Variants in LRCH1 observed in about 807,000 individuals in gnomAD.
LRCH1 encodes the protein leucine rich repeats and calponin homology domain containing 1, also known as leucine-rich repeat and calponin homology domain-containing protein 1.
LRCH1 carries 23 observed loss-of-function variants against 94.9 expected under a neutral mutation model. The observed-to-expected ratio is 0.24, with a 90% CI of 0.17 to 0.34. The LOEUF is 0.34. Ranked by LOEUF, LRCH1 falls within the 10% of genes least tolerant of loss-of-function variation. The pLI is 1.00. For missense variants in LRCH1, 790 were observed against 945.9 expected (o/e 0.84, Z 2.16); for synonymous variants, 364 against 354.9 (o/e 1.03, Z -0.29).
intron 2 of LRCH1, among the ~76,000 whole-genome samples, chr13:46,666,417 TC>T (rs901226674): frequency 2.0e-5 from 3 of 152,228 alleles, no homozygotes; most frequent in Admixed American, 6.5e-5. Context: ...GATACATGAC[TC>T]TCCCAGTTCC....
chr13:46,720,428 T>G (rs1866097554), intron 16 of LRCH1, among the ~76,000 whole-genome samples: 1 of 152,146 alleles, frequency 6.6e-6, no homozygotes, highest in Admixed American at 6.5e-5. Flanking sequence ...CTTCACCTCT[T>G]TCAACACACT....
intron 19 of LRCH1, among the ~76,000 whole-genome samples, chr13:46,737,685 G>A (rs977624411): frequency 6.6e-5 from 10 of 152,250 alleles, no homozygotes; most frequent in South Asian, 2.1e-4. Context: ...ACTCCAATTA[G>A]GCCTTGACCC....
intron 1 of LRCH1, among the ~76,000 whole-genome samples, chr13:46,588,199 T>G (rs573673408): frequency 6.6e-6 from 1 of 152,312 alleles, no homozygotes. Flanking sequence ...GCATACAGTT[T>G]CGCTCTCATC....
In LRCH1 at chr13:46,741,849, T is replaced by C. The variant is rs3742274; in HGVS notation, c.*1T>C. 0.98 allele frequency: 1,585,008 copies of C among 1,613,866 alleles called. 779,834 individuals carry two copies. Among genetic ancestry groups the C allele is most frequent in the Non-Finnish European group, 1 (1,177,861 of 1,180,046 alleles). On this transcript the variant is annotated 3_prime_UTR_variant, in exon 20 of 20. Transcript: ENST00000389797. ...CCACTGGAATGCTCTGTCCGCATAA[T>C]GTCTGCACGTGCATCCAAACGCTGT...
chr13:46,687,795 C>A, intron 5 of LRCH1, 57 bp from the exon 6 acceptor site: 2 of 1,481,460 alleles, frequency 1.4e-6, no homozygotes, highest in Non-Finnish European at 1.9e-6. Flanking sequence ...GGATTTGATA[C>A]TTACATTTTG....
rs369635173 is a variant in LRCH1, at chr13:46,681,831, A to C, written c.670A>C (p.Lys224Gln). Residue 224 changes from lysine to glutamine, a missense_variant, in exon 4 of 20, where the codon AAA (lysine) becomes CAA (glutamine). Transcript: ENST00000389797. ...ACTGAATGTCAGAAGAAATTACCTT[A>C]AAGTTTTACCACAAGGTAAAAAAGA... ...RELNVRRNYLKVLPQELVDLS... is the reference protein window; with the variant it reads ...RELNVRRNYLQVLPQELVDLS... The C allele has an allele frequency of 8.9e-5, 143 of 1,607,176 alleles. 1 individual carries two copies. The highest frequency in any genetic ancestry group is 1.2e-4 in the Non-Finnish European group (138 of 1,173,948).
rs1873805502 is a variant in LRCH1 at position 46,744,152 on chromosome 13, A to G, written c.*2304A>G. 2.0e-6 allele frequency: 2 copies of G among 985,244 alleles called. No homozygotes were observed. The highest frequency in any genetic ancestry group is 2.3e-4 in the East Asian group (2 of 8,820). 61.0% of individuals were successfully genotyped at this position (985,244 alleles called of 1,614,324 possible). A position where few individuals can be genotyped will look rare whatever the true frequency, so the allele number is the denominator to read the frequency against. On this transcript the variant is annotated 3_prime_UTR_variant, in exon 20 of 20. Coordinates refer to ENST00000389797, the MANE Select transcript of LRCH1 (RefSeq NM_001164211.2). ...CCAAGGTACCCGTGCACCAGCCCATATGCTAACTGGATGCCTGCGGATGCC... is the reference window on the plus strand; with the variant it reads ...CCAAGGTACCCGTGCACCAGCCCATGTGCTAACTGGATGCCTGCGGATGCC...
rs1566245404 is a variant in LRCH1 at position 46,715,645 on chromosome 13, T to G, written c.1740T>G (p.Ser580=). 2.0e-6 allele frequency: 3 copies of G among 1,536,100 alleles called. No homozygotes were observed. The highest frequency in any genetic ancestry group is 8.7e-7 in the Non-Finnish European group (1 of 1,145,840). The change falls in exon 16 of 20, where the codon TCT becomes TCG. Residue 580 remains serine, a synonymous_variant. Coordinates refer to ENST00000389797, the MANE Select transcript of LRCH1 (RefSeq NM_001164211.2). ...TWDSSSYSVP[S]EGDSDNVFLR... Reference sequence around the variant, plus strand: ...ACAGCTCTAGCTACAGTGTTCCATCTGAAGGAGACAGTGACAATGGTAGGT... The same window carrying G: ...ACAGCTCTAGCTACAGTGTTCCATCGGAAGGAGACAGTGACAATGGTAGGT...
Position 46,553,392 on chromosome 13 carries a change from A to C in LRCH1, c.-5A>C. 7 of 1,527,564 alleles carry C rather than the reference A, an allele frequency of 4.6e-6. No individual in the cohort carries two copies. Among genetic ancestry groups the C allele is most frequent in the Non-Finnish European group, 6.1e-6 (7 of 1,140,908 alleles). 94.6% of individuals were successfully genotyped at this position (1,527,564 alleles called of 1,614,324 possible). A position where few individuals can be genotyped will look rare whatever the true frequency, so the allele number is the denominator to read the frequency against. ...GCGGGGCGGGGTGGGGGGGCCCGGG[A>C]GAAGATGGCGACGCCGGGAAGCGAA... On this transcript the variant is annotated 5_prime_UTR_variant, in exon 1 of 20. Coordinates refer to ENST00000389797, the MANE Select transcript of LRCH1 (RefSeq NM_001164211.2).
At chr13:46,737,455 T>C (rs1346917991) in intron 19 of LRCH1, among the ~76,000 whole-genome samples, 2 of 152,176 alleles carry the variant, frequency 1.3e-5, no homozygotes, top group African/African-American at 4.8e-5. Context: ...GTAGTTCTGT[T>C]GTGGCTGATT....
intron 1 of LRCH1, among the ~76,000 whole-genome samples, chr13:46,623,766 G>T (rs558019848): frequency 6.7e-6 from 1 of 148,464 alleles, no homozygotes; most frequent in South Asian, 2.1e-4. Flanking sequence ...CAACGTACAG[G>T]TTTGTTACAT....
chr13:46,607,819 A>G (rs975078768), intron 1 of LRCH1, among the ~76,000 whole-genome samples: 16 of 152,066 alleles, frequency 1.1e-4, no homozygotes, highest in African/African-American at 3.9e-4. Context: ...TGCGGCAGGG[A>G]AGGGTGGAGA....
At chr13:46,618,372 G>T (rs185325828) in intron 1 of LRCH1, among the ~76,000 whole-genome samples, 1 of 152,126 alleles carries the variant, frequency 6.6e-6, no homozygotes, top group Non-Finnish European at 1.5e-5. Context: ...ATCCATTTAC[G>T]CAACCACCAC....
At chr13:46,612,326 A>G (rs965810074) in intron 1 of LRCH1, among the ~76,000 whole-genome samples, 15 of 152,236 alleles carry the variant, frequency 9.9e-5, no homozygotes, top group Non-Finnish European at 1.9e-4. Context: ...ATACAAATGT[A>G]TATATTTTGT....
intron 1 of LRCH1, among the ~76,000 whole-genome samples, chr13:46,586,697 G>A (rs1199035463): frequency 6.6e-6 from 1 of 152,202 alleles, no homozygotes; most frequent in Non-Finnish European, 1.5e-5. Flanking sequence ...GGGATTACAG[G>A]CGTGAGCCAC....
intron 3 of LRCH1, among the ~76,000 whole-genome samples, chr13:46,681,426 A>T (rs931731140): frequency 6.6e-6 from 1 of 152,170 alleles, no homozygotes; most frequent in Admixed American, 6.5e-5. Context: ...TAGGCTAGCA[A>T]TATTGCCCAA....
chr13:46,597,598 C>G (rs982209543), intron 1 of LRCH1, among the ~76,000 whole-genome samples: 6 of 152,128 alleles, frequency 3.9e-5, no homozygotes, highest in Non-Finnish European at 8.8e-5. Flanking sequence ...CTCAGGTGAT[C>G]CACCAGCCTT....
intron 2 of LRCH1, among the ~76,000 whole-genome samples, chr13:46,655,069 C>T (rs760633298): frequency 6.6e-6 from 1 of 152,102 alleles, no homozygotes; most frequent in Admixed American, 6.5e-5. Flanking sequence ...ACTGATTACA[C>T]CCTCTGGGGT....
At chr13:46,690,397 C>T (rs1194211655) in intron 7 of LRCH1, among the ~76,000 whole-genome samples, 1 of 152,120 alleles carries the variant, frequency 6.6e-6, no homozygotes, top group East Asian at 1.9e-4. Flanking sequence ...GCAAATGGAC[C>T]ATTGTTTCAG....
Sources: gnomAD v4.1 joint callset for allele counts (sites outside exome capture counted in the v4.1 genomes callset) on GRCh38, gnomAD v4.1.1 for gene constraint, MANE v1.5 for transcripts, NCBI Gene and HGNC (gene_info 2026-07-23, HGNC 2026-07-21) for gene names.